Variants in NRXN1 observed in about 807,000 individuals in gnomAD.
NRXN1 encodes the protein neurexin-1.
Under a neutral mutation model 150.9 loss-of-function variants are expected in NRXN1, and 39 were observed. That is an observed-to-expected ratio of 0.26 (90% CI 0.20 to 0.34). NRXN1 has a LOEUF of 0.34. Among genes scored for constraint, NRXN1 ranks in the 10% least tolerant of loss-of-function variants. NRXN1 has a pLI of 1.00. For missense variants in NRXN1, 1,815 were observed against 1,949.9 expected (o/e 0.93, Z 1.30); for synonymous variants, 924 against 757.0 (o/e 1.22, Z -3.62).
chr2:50,541,689 A>G (rs1414243989), intron 9 of NRXN1, among the ~76,000 whole-genome samples: 1 of 152,086 alleles, frequency 6.6e-6, no homozygotes, highest in Non-Finnish European at 1.5e-5. Flanking sequence ...ACTTAAACAC[A>G]CATCCACCCA....
At position 50,107,520 on chromosome 2, in the gene NRXN1, C is replaced by CAT. The variant is rs150310372; in HGVS notation, c.3547-16028_3547-16027dup. 3.1e-3 allele frequency among the ~76,000 whole-genome samples: 424 copies of CAT among 136,044 alleles called. 4 individuals carry two copies. Among genetic ancestry groups the CAT allele is most frequent in the East Asian group, 0.017 (79 of 4,696 alleles). The allele number at this position is 136,044 out of a possible 152,430, so 89.3% of individuals were successfully genotyped here. On this transcript the variant is annotated intron_variant, in intron 18 of 22. Transcript: ENST00000401669. ...TTGTCACATGCTACATTCCAGACTA[C>CAT]ATATATATATATATATATATTTTTT...
intron 2 of NRXN1, among the ~76,000 whole-genome samples, chr2:50,987,065 G>A (rs1468123146): frequency 6.6e-6 from 1 of 151,490 alleles, no homozygotes; most frequent in Admixed American, 6.6e-5. Context: ...ACAACTAAAG[G>A]CATTCAGTTA....
Position 50,895,338 on chromosome 2 carries a change from A to T in NRXN1, c.832+26531T>A, listed in dbSNP as rs560348577. 8.5e-5 allele frequency among the ~76,000 whole-genome samples: 13 copies of T among 152,282 alleles called. No individual in the cohort carries two copies. The South Asian group carries it at 1.2e-3, about 15-fold the overall frequency. Reference sequence around the variant, plus strand: ...AATCTTTGCTCTAACTGACAAGTAAATGCCTCTACATATTGGATATTTTTC... The same window carrying T: ...AATCTTTGCTCTAACTGACAAGTAATTGCCTCTACATATTGGATATTTTTC... On this transcript the variant is annotated intron_variant, in intron 5 of 22. Transcript: ENST00000401669.
At position 50,347,801 on chromosome 2, in the gene NRXN1, A is replaced by T. The variant is rs2078149981; in HGVS notation, c.3365-110831T>A. The T allele has an allele frequency of 1.0e-6, 1 of 986,164 alleles. No homozygotes were observed. The highest frequency in any genetic ancestry group is 1.2e-6 in the Non-Finnish European group (1 of 830,450). The allele number at this position is 986,164 out of a possible 1,614,324, so 61.1% of individuals were successfully genotyped here. A position where few individuals can be genotyped will look rare whatever the true frequency, so the allele number is the denominator to read the frequency against. On this transcript the variant is annotated intron_variant, in intron 17 of 22. Coordinates refer to ENST00000401669, the MANE Select transcript of NRXN1 (RefSeq NM_001330078.2). This position sits in a 1 kb window ranked among gnomAD's most constrained non-coding sequence, Gnocchi z 4.9. ...CTGGTGAAGCAAGGGGCTCTATGCA[A>T]ATCTGCAGTCTCCAAACAGCAAATC...
intron 5 of NRXN1, among the ~76,000 whole-genome samples, chr2:50,729,118 C>T (rs1428773597): frequency 6.6e-6 from 1 of 152,002 alleles, no homozygotes. Flanking sequence ...AACTTGTTTT[C>T]CCCTCAATTT....
At position 50,244,140 on chromosome 2, in the gene NRXN1, C is replaced by T. The variant is rs553517841; in HGVS notation, c.3365-7170G>A. Among the ~76,000 whole-genome samples the T allele has an allele frequency of 1.8e-4, 28 of 151,954 alleles. No homozygotes were observed. The South Asian group carries it at 5.6e-3, about 30-fold the overall frequency. The stretch of plus-strand genomic sequence containing the variant: ...AGAAAGAATTATATATTCATAAATA[C>T]ATTTTATCACATTTTGATGTTTATA... On this transcript the variant is annotated intron_variant, in intron 17 of 22. Transcript: ENST00000401669.
intron 5 of NRXN1, among the ~76,000 whole-genome samples, chr2:50,833,175 A>G (rs1485312257): frequency 6.6e-6 from 1 of 152,232 alleles, no homozygotes; most frequent in Admixed American, 6.5e-5. Context: ...AAACACTGAT[A>G]GTACCAAGTC....
chr2:50,084,598 C>T (rs896391703), intron 19 of NRXN1, among the ~76,000 whole-genome samples: 2 of 152,156 alleles, frequency 1.3e-5, no homozygotes, highest in African/African-American at 4.8e-5. Context: ...TCCCTCCACA[C>T]CCCCCGCAGG....
chr2:50,734,185 T>G (rs1348208132), intron 5 of NRXN1, among the ~76,000 whole-genome samples: 2 of 152,154 alleles, frequency 1.3e-5, no homozygotes, highest in African/African-American at 4.8e-5. Context: ...CAAAGAATTC[T>G]GAGGCCCCAC....
At chr2:50,258,388 AC>A (rs1379366480) in intron 17 of NRXN1, among the ~76,000 whole-genome samples, 2 of 152,040 alleles carry the variant, frequency 1.3e-5, no homozygotes, top group African/African-American at 4.8e-5. Flanking sequence ...TCATGAAACC[AC>A]ATTTTTCATT....
At chr2:50,585,342 A>G (rs1281901649) in intron 8 of NRXN1, among the ~76,000 whole-genome samples, 1 of 152,162 alleles carries the variant, frequency 6.6e-6, no homozygotes, top group Non-Finnish European at 1.5e-5. Flanking sequence ...AGAAACAGAA[A>G]GTAGAATGAT....
At chr2:50,249,954 A>T (rs1202693035) in intron 17 of NRXN1, among the ~76,000 whole-genome samples, 1 of 151,920 alleles carries the variant, frequency 6.6e-6, no homozygotes, top group Non-Finnish European at 1.5e-5. Context: ...TCATTTTTGA[A>T]TTTCTCTTTC....
At chr2:50,449,929 G>C (rs1233375281) in intron 17 of NRXN1, among the ~76,000 whole-genome samples, 2 of 152,126 alleles carry the variant, frequency 1.3e-5, no homozygotes, top group African/African-American at 4.8e-5. Context: ...AGATGAAGAA[G>C]CTGACTCTCA....
At chr2:50,979,625 G>C (rs377041530) in intron 2 of NRXN1, among the ~76,000 whole-genome samples, 16 of 152,048 alleles carry the variant, frequency 1.1e-4, no homozygotes, top group African/African-American at 3.6e-4. Flanking sequence ...TCACATACCA[G>C]ACCATGCAGG....
At chr2:50,997,732 C>T (rs1458099975) in intron 2 of NRXN1, among the ~76,000 whole-genome samples, 1 of 140,744 alleles carries the variant, frequency 7.1e-6, no homozygotes, top group Non-Finnish European at 1.5e-5. Context: ...TGGTCTGGAA[C>T]TCTGGGCCTT....
At chr2:50,432,824 G>C (rs929438927) in intron 17 of NRXN1, among the ~76,000 whole-genome samples, 6 of 152,108 alleles carry the variant, frequency 3.9e-5, no homozygotes, top group African/African-American at 1.4e-4. Context: ...TACAATTCAA[G>C]GTAGATTTTT....
chr2:50,738,165 C>T (rs139687098), intron 5 of NRXN1, among the ~76,000 whole-genome samples: 3 of 152,262 alleles, frequency 2.0e-5, no homozygotes, highest in African/African-American at 7.2e-5. Flanking sequence ...CTTGCTAATT[C>T]AGTGAAACTG....
At chr2:50,568,767 T>C (rs1252844437) in intron 8 of NRXN1, among the ~76,000 whole-genome samples, 2 of 152,176 alleles carry the variant, frequency 1.3e-5, no homozygotes, top group Admixed American at 6.6e-5. Flanking sequence ...AGAACTACCA[T>C]ATGATCCAGC....
intron 18 of NRXN1, among the ~76,000 whole-genome samples, chr2:50,098,870 T>A (rs868541379): frequency 4.8e-5 from 3 of 63,044 alleles, no homozygotes; most frequent in African/African-American, 1.9e-4. Context: ...TTTTTTTTTT[T>A]TTTTTTTTTT....
Sources: gnomAD v4.1 joint callset for allele counts (sites outside exome capture counted in the v4.1 genomes callset) on GRCh38, gnomAD v4.1.1 for gene constraint, Gnocchi (gnomAD v3.1) non-coding constraint, MANE v1.5 for transcripts, NCBI Gene and HGNC (gene_info 2026-07-23, HGNC 2026-07-21) for gene names.